The following OR2L13 variants were observed in gnomAD, a reference collection of about 807,000 sequenced individuals.
OR2L13 encodes olfactory receptor 2L13.
Under a neutral mutation model 15.3 loss-of-function variants are expected in OR2L13, and 14 were observed. The observed-to-expected ratio is 0.91, with a 90% CI of 0.60 to 1.43. The LOEUF is 1.43. OR2L13 is among the 40% of genes most tolerant of loss of function. OR2L13 has a pLI of 0.00. For missense variants in OR2L13, 367 were observed against 387.9 expected (o/e 0.95, Z 0.45); for synonymous variants, 152 against 142.9 (o/e 1.06, Z -0.45).
At chr1:248,044,283 C>T in the OR2L13 span, among the ~76,000 whole-genome samples, 1 of 152,090 alleles carries the variant, frequency 6.6e-6, no homozygotes, top group Admixed American at 6.6e-5. Flanking sequence ...GGCTTTCAGA[C>T]ACAAAAAGAA....
the OR2L13 span, chr1:248,046,007 T>C: frequency 6.6e-6 from 1 of 152,140 alleles, no homozygotes; most frequent in Non-Finnish European, 1.5e-5. Flanking sequence ...CTCAAAAAAA[T>C]TAAAATGAAC....
chr1:248,060,510 T>A, the OR2L13 span, among the ~76,000 whole-genome samples: 1 of 152,158 alleles, frequency 6.6e-6, no homozygotes. Flanking sequence ...AAAATTAAAC[T>A]TTATCAGAAG....
the OR2L13 span, among the ~76,000 whole-genome samples, chr1:248,025,039 C>A: frequency 2.0e-5 from 3 of 151,920 alleles, no homozygotes; most frequent in Non-Finnish European, 4.4e-5. Context: ...TAGGCATGGG[C>A]AAGGACTTCA....
chr1:248,053,542 G>A, the OR2L13 span, among the ~76,000 whole-genome samples: 9 of 152,136 alleles, frequency 5.9e-5, no homozygotes, highest in African/African-American at 2.2e-4. Context: ...TGTCTTCCAC[G>A]ATGGGTGAAC....
chr1:248,065,628 C>G, the OR2L13 span, among the ~76,000 whole-genome samples: 1 of 133,998 alleles, frequency 7.5e-6, no homozygotes, highest in Non-Finnish European at 1.6e-5. Context: ...TGTTCCCCTT[C>G]CTGTGTCCAT....
At chr1:248,072,277 G>T in the OR2L13 span, among the ~76,000 whole-genome samples, 3 of 152,182 alleles carry the variant, frequency 2.0e-5, no homozygotes, top group African/African-American at 7.2e-5. Context: ...TACCAAAACA[G>T]AAATATAGAT....
chr1:248,074,149 A>G, the OR2L13 span, among the ~76,000 whole-genome samples: 1 of 152,156 alleles, frequency 6.6e-6, no homozygotes, highest in East Asian at 1.9e-4. Flanking sequence ...TAAATTAAAA[A>G]CATTTTGGCC....
the OR2L13 span, among the ~76,000 whole-genome samples, chr1:248,086,776 C>A: frequency 4.6e-5 from 7 of 151,674 alleles, no homozygotes; most frequent in South Asian, 2.1e-4. Context: ...AAATAGGATA[C>A]CTGGATTTAA....
the OR2L13 span, among the ~76,000 whole-genome samples, chr1:248,079,654 A>G: frequency 2.0e-5 from 3 of 152,198 alleles, no homozygotes; most frequent in Admixed American, 6.5e-5. Flanking sequence ...ATTGCCCCAC[A>G]TAGATACATA....
chr1:247,961,111 A>T, the OR2L13 span, among the ~76,000 whole-genome samples: 1 of 152,210 alleles, frequency 6.6e-6, no homozygotes, highest in Admixed American at 6.5e-5. Context: ...TCATTGAGAT[A>T]TAAAAGAAAC....
the OR2L13 span, among the ~76,000 whole-genome samples, chr1:248,065,868 GA>G: frequency 2.0e-5 from 3 of 151,990 alleles, no homozygotes; most frequent in Non-Finnish European, 4.4e-5. Context: ...TAACATTGGA[GA>G]AAAAGGTTAT....
At position 248,100,240 on chromosome 1, in the gene OR2L13, T is replaced by TA; in HGVS notation, c.866dup (p.Tyr289Ter). 6.2e-7 allele frequency: 1 copy of TA among 1,613,480 alleles called. No homozygotes were observed. The highest frequency in any genetic ancestry group is 8.5e-7 in the Non-Finnish European group (1 of 1,179,422). ...TACCCCCATGCTCAATCCCATTATC[T>TA]ACAGCCTGAGGAATAAGGAAGTCCT... The change falls in exon 3 of 3, where the codon TAC becomes TAAC. Residue 289 changes from tyrosine (Y) to a stop codon, truncating the protein, a stop_gained and frameshift_variant. Transcript: ENST00000641714. LOFTEE classifies it high-confidence loss of function.
chr1:248,095,607 C>CTTT (rs780686820), upstream of OR2L13, among the ~76,000 whole-genome samples: 336 of 37,300 alleles, frequency 9.0e-3, 109 homozygotes, highest in Admixed American at 0.094. Flanking sequence ...AAAGCTGCTG[C>CTTT]TTTTTTTTTT....
chr1:248,052,875 C>G, the OR2L13 span, among the ~76,000 whole-genome samples: 2 of 151,472 alleles, frequency 1.3e-5, no homozygotes, highest in Non-Finnish European at 2.9e-5. Context: ...AAAAATTTAT[C>G]ATTTTAATTT....
At chr1:248,069,881 C>T in the OR2L13 span, among the ~76,000 whole-genome samples, 1 of 152,006 alleles carries the variant, frequency 6.6e-6, no homozygotes, top group South Asian at 2.1e-4. Context: ...ACAAAGAAGG[C>T]CATCACATAA....
chr1:248,028,140 C>CAAAAAAAA, the OR2L13 span, among the ~76,000 whole-genome samples: 632 of 37,790 alleles, frequency 0.017, 43 homozygotes, highest in Non-Finnish European at 0.025. Flanking sequence ...GATTCCGTCT[C>CAAAAAAAA]AAAAAAAAAA....
the OR2L13 span, among the ~76,000 whole-genome samples, chr1:247,999,952 A>G: frequency 5.9e-5 from 9 of 152,146 alleles, no homozygotes; most frequent in Admixed American, 5.9e-4. Flanking sequence ...GATATTACAG[A>G]TATCACTTCA....
At chr1:247,965,439 C>G in the OR2L13 span, 2 of 1,613,390 alleles carry the variant, frequency 1.2e-6, no homozygotes, top group Non-Finnish European at 8.5e-7. Flanking sequence ...TCCAATATGG[C>G]TGGATAAACT....
chr1:247,993,807 G>GAGAA, the OR2L13 span, among the ~76,000 whole-genome samples: 449 of 128,582 alleles, frequency 3.5e-3, 1 homozygote, highest in African/African-American at 0.013. Flanking sequence ...GAGAGAGAGA[G>GAGAA]AGAGAAAGAA....
Sources: allele counts gnomAD v4.1 joint callset (sites outside exome capture counted in the v4.1 genomes callset), GRCh38; gene constraint gnomAD v4.1.1; transcripts MANE v1.5; gene names NCBI Gene and HGNC (gene_info 2026-07-23, HGNC 2026-07-21).